DNAH10: variants seen among roughly 807,000 people sequenced by gnomAD.
DNAH10 encodes axonemal beta dynein heavy chain 10.
In DNAH10, 348 loss-of-function variants were observed where a neutral mutation model predicts 506.6. The observed-to-expected ratio is 0.69, with a 90% confidence interval of 0.63 to 0.75. The LOEUF (loss-of-function observed/expected upper bound fraction) is 0.75. Among genes scored for constraint, DNAH10 ranks in the 30% least tolerant of loss-of-function variants. The pLI is 0.00. For missense variants in DNAH10, 5,179 were observed against 5,787.1 expected, an observed-to-expected ratio of 0.89 and a Z score of 3.41; for synonymous variants, 2,059 against 2,198.6, an observed-to-expected ratio of 0.94 and a Z score of 1.78.
chr12:123,844,875 G>T (rs1368388794), intron 30 of DNAH10, among the ~76,000 whole-genome samples: 1 of 152,144 alleles, frequency 6.6e-6, no homozygotes, highest in Non-Finnish European at 1.5e-5. Context: ...CTGAGCTCAA[G>T]CAATCTGCCC....
Position 123,926,317 on chromosome 12 carries a change from G to A in DNAH10, c.11922-320G>A, listed in dbSNP as rs530863011. On this transcript the variant is annotated intron_variant, in intron 68 of 78. Transcript: ENST00000673944. The surrounding 1 kb of genome is among the most constrained non-coding windows in gnomAD (Gnocchi z 4.1). The stretch of plus-strand genomic sequence containing the variant: ...AAAACTCAAGATGTGGACCATTCAG[G>A]ACACGCCTGTGGAACCTCAGGGTTT... 3.0e-6 allele frequency: 1 copy of A among 338,860 alleles called. No individual in the cohort carries two copies. Among genetic ancestry groups the A allele is most frequent in the Non-Finnish European group, 5.2e-6 (1 of 190,666 alleles). 21.0% of individuals were successfully genotyped at this position (338,860 alleles called of 1,614,324 possible).
At position 123,784,164 on chromosome 12, in the gene DNAH10, A is replaced by C; in HGVS notation, c.1217A>C (p.Glu406Ala). The C allele has an allele frequency of 6.2e-7, 1 of 1,614,152 alleles. No homozygotes were observed. The highest frequency in any genetic ancestry group is 8.5e-7 in the Non-Finnish European group (1 of 1,180,004). ...SDNVRFLSTVERYFKNITHGS... is the reference protein window; with the variant it reads ...SDNVRFLSTVARYFKNITHGS... Reference sequence around the variant, plus strand: ...AATGTGCGCTTTCTCTCCACCGTGGAGCGTTATTTCAAGGTATGCTGGGTG... The same window carrying C: ...AATGTGCGCTTTCTCTCCACCGTGGCGCGTTATTTCAAGGTATGCTGGGTG... Residue 406 changes from glutamate (E) to alanine (A), a missense_variant, in exon 8 of 79, where the codon GAG (glutamate) becomes GCG (alanine). Physicochemically the swap from Glu to Ala is moderately radical, Grantham distance 107. This residue lies in a region of DNAH10 where 4,844 missense variants were observed against 5,430.5 expected (regional missense o/e 0.89). Coordinates refer to ENST00000673944, the MANE Select transcript of DNAH10 (RefSeq NM_001372106.1).
At chr12:123,882,040 T>C in intron 51 of DNAH10, 1 of 400,110 alleles carries the variant, frequency 2.5e-6, no homozygotes, top group Non-Finnish European at 4.4e-6. Context: ...TGGCTTAGGA[T>C]AGGGTTACAT....
Position 123,935,587 on chromosome 12 carries a change from G to A in DNAH10, c.*106G>A, listed in dbSNP as rs985451459. Reference sequence around the variant, plus strand: ...CCTCTCAAGAGGCAGGAGGGGGACTGACACTGATTTTTCATTTGAAATCAG... The same window carrying A: ...CCTCTCAAGAGGCAGGAGGGGGACTAACACTGATTTTTCATTTGAAATCAG... On this transcript the variant is annotated 3_prime_UTR_variant, in exon 79 of 79. Coordinates refer to ENST00000673944, the MANE Select transcript of DNAH10 (RefSeq NM_001372106.1). 4 of 1,222,028 alleles carry A rather than the reference G, an allele frequency of 3.3e-6. No homozygotes were observed. The highest frequency in any genetic ancestry group is 2.1e-5 in the South Asian group (1 of 47,494). 75.7% of individuals were successfully genotyped at this position (1,222,028 alleles called of 1,614,324 possible). A position where few individuals can be genotyped will look rare whatever the true frequency, so the allele number is the denominator to read the frequency against.
At chr12:123,832,266 A>G (rs1960642969) in intron 26 of DNAH10, among the ~76,000 whole-genome samples, 1 of 152,174 alleles carries the variant, frequency 6.6e-6, no homozygotes, top group Non-Finnish European at 1.5e-5. Flanking sequence ...ATGTACACAT[A>G]ATGTACACTA....
chr12:123,831,775 G>A (rs536210802), intron 26 of DNAH10, among the ~76,000 whole-genome samples: 7 of 150,072 alleles, frequency 4.7e-5, no homozygotes, highest in African/African-American at 7.3e-5. Context: ...GTGTGGTGGC[G>A]GGTGCCTGTA....
chr12:123,765,769 C>T (rs1957016586), intron 1 of DNAH10, among the ~76,000 whole-genome samples: 3 of 152,032 alleles, frequency 2.0e-5, no homozygotes, highest in Non-Finnish European at 4.4e-5. Context: ...ACCTACCTAC[C>T]TATACATCTA....
chr12:123,850,038 G>A lies in DNAH10; in HGVS notation c.6103-850G>A, dbSNP rs184127442. ...CTGCTCTTCCCCCTGGGCCATCTGGGCCATCTGGGCCTCTTGTGGGATACT... is the reference window on the plus strand; with the variant it reads ...CTGCTCTTCCCCCTGGGCCATCTGGACCATCTGGGCCTCTTGTGGGATACT... On this transcript the variant is annotated intron_variant, in intron 34 of 78. Transcript: ENST00000673944. This position sits in a 1 kb window ranked among gnomAD's most constrained non-coding sequence, Gnocchi z 5.5. Among the ~76,000 whole-genome samples, 1 of 152,236 alleles carries A rather than the reference G, an allele frequency of 6.6e-6. No homozygotes were observed. The highest frequency in any genetic ancestry group is 6.5e-5 in the Admixed American group (1 of 15,294).
At chr12:123,864,268 C>T (rs1951718244) in intron 39 of DNAH10, among the ~76,000 whole-genome samples, 1 of 150,996 alleles carries the variant, frequency 6.6e-6, no homozygotes, top group South Asian at 2.1e-4. Context: ...GCCTCAGCCT[C>T]CTGAGTAGCT....
chr12:123,926,445 A>G lies in DNAH10; in HGVS notation c.11922-192A>G, dbSNP rs1954946558. 3 of 594,240 alleles carry G rather than the reference A, an allele frequency of 5.0e-6. No individual in the cohort carries two copies. Among genetic ancestry groups the G allele is most frequent in the Non-Finnish European group, 8.5e-6 (3 of 353,376 alleles). 36.8% of individuals were successfully genotyped at this position (594,240 alleles called of 1,614,324 possible). ...GGGTACAGAGAAGTCCCTGCCACTC[A>G]GGAGTTCCCCATCAGGGTGGGAGAC... On this transcript the variant is annotated intron_variant, in intron 68 of 78. Transcript: ENST00000673944. The surrounding 1 kb of genome is among the most constrained non-coding windows in gnomAD (Gnocchi z 4.1).
At chr12:123,786,389 T>G (rs1467395353) in intron 9 of DNAH10, among the ~76,000 whole-genome samples, 2 of 150,456 alleles carry the variant, frequency 1.3e-5, no homozygotes, top group Admixed American at 6.6e-5. Context: ...GTAACCACTA[T>G]CAATGTTAGA....
chr12:123,869,397 CCTGT>C (rs1951936243), intron 43 of DNAH10, among the ~76,000 whole-genome samples: 4 of 152,206 alleles, frequency 2.6e-5, no homozygotes, highest in African/African-American at 9.6e-5. Context: ...GTCTTCTCTG[CCTGT>C]CTAAGGGCTG....
At chr12:123,857,341 A>G (rs1951435598) in intron 37 of DNAH10, 94 bp downstream of exon 37, 1 of 1,123,602 alleles carries the variant, frequency 8.9e-7, no homozygotes, top group Admixed American at 3.4e-5. Context: ...ACAGTAAAAT[A>G]CGCATAAGTT....
At position 123,893,319 on chromosome 12, in the gene DNAH10, C is replaced by A; in HGVS notation, c.9082C>A (p.Pro3028Thr). 1 of 1,614,032 alleles carries A rather than the reference C, an allele frequency of 6.2e-7. No individual in the cohort carries two copies. The highest frequency in any genetic ancestry group is 8.5e-7 in the Non-Finnish European group (1 of 1,179,904). ...GQEALKQGMG[P>T]AKESVWQYFV... ...GGAAGCTCTGAAGCAAGGCATGGGGCCGGCCAAGGAGTCTGTGTGGCAGTA... is the reference window on the plus strand; with the variant it reads ...GGAAGCTCTGAAGCAAGGCATGGGGACGGCCAAGGAGTCTGTGTGGCAGTA... Residue 3028 changes from proline to threonine, a missense_variant, in exon 53 of 79, where the codon CCG becomes ACG. By Grantham distance (38) the Pro-to-Thr change is conservative. This residue lies in a region of DNAH10 where 4,844 missense variants were observed against 5,430.5 expected (regional missense o/e 0.89). Transcript: ENST00000673944.
chr12:123,767,131 C>T lies in DNAH10; in HGVS notation c.215-475C>T, dbSNP rs187677027. On this transcript the variant is annotated intron_variant, in intron 1 of 78. Coordinates refer to ENST00000673944, the MANE Select transcript of DNAH10 (RefSeq NM_001372106.1). ...CCATGTTGACCAGGCTGGTCTCGAG[C>T]TCCCGATCTCAAGTGATCCACCCAC... Among the ~76,000 whole-genome samples, 18 of 152,224 alleles carry T rather than the reference C, an allele frequency of 1.2e-4. No homozygotes were observed. The East Asian group carries it at 3.5e-3, about 29-fold the overall frequency.
Position 123,931,480 on chromosome 12 carries a change from C to T in DNAH10, c.12916+8C>T. On this transcript the variant is annotated splice_region_variant and intron_variant, in intron 74 of 78. Transcript: ENST00000673944. ...AGCTGCAGCCTCAGACAGGTAAACT[C>T]TACTCAGGAGGACTTCATTAGTTTG... is the stretch of plus-strand genomic sequence containing the variant. 1 of 1,613,146 alleles carries T rather than the reference C, an allele frequency of 6.2e-7. No homozygotes were observed. Among genetic ancestry groups the T allele is most frequent in the South Asian group, 1.1e-5 (1 of 90,966 alleles).
Position 123,931,401 on chromosome 12 carries a change from C to G in DNAH10, c.12845C>G (p.Ala4282Gly), listed in dbSNP as rs776599313. The change falls in exon 74 of 79, where the codon GCT (alanine) becomes GGT (glycine). Residue 4282 changes from alanine (A) to glycine (G), a missense_variant. Physicochemically the swap from Ala to Gly is moderately conservative, Grantham distance 60. Coordinates refer to ENST00000673944, the MANE Select transcript of DNAH10 (RefSeq NM_001372106.1). ...GAAGTGTTTGGTCTCCACCCCAACG[C>G]TGAGATTGGCTATTACACGCAGGCG... Reference protein sequence around the residue: ...TPEVFGLHPNAEIGYYTQAAR... With the variant: ...TPEVFGLHPNGEIGYYTQAAR... 8.1e-6 allele frequency: 13 copies of G among 1,613,884 alleles called. No individual in the cohort carries two copies. The South Asian group carries it at 1.4e-4, about 18-fold the overall frequency.
chr12:123,802,279 C>T (rs1223544444), intron 16 of DNAH10, among the ~76,000 whole-genome samples: 4 of 152,190 alleles, frequency 2.6e-5, no homozygotes, highest in Middle Eastern at 3.4e-3. Flanking sequence ...CTGAGTTGCA[C>T]GGTAGTTGCA....
intron 39 of DNAH10, among the ~76,000 whole-genome samples, chr12:123,861,434 G>T (rs984716384): frequency 1.3e-5 from 2 of 152,250 alleles, no homozygotes; most frequent in African/African-American, 4.8e-5. Flanking sequence ...CCTAGAAAAG[G>T]TCAGAAATGT....
Sources: allele counts gnomAD v4.1 joint callset (sites outside exome capture counted in the v4.1 genomes callset), GRCh38; gene constraint gnomAD v4.1.1; regional missense constraint gnomAD v4.1.1; non-coding constraint Gnocchi (gnomAD v3.1); transcripts MANE v1.5; gene names NCBI Gene and HGNC (gene_info 2026-07-23, HGNC 2026-07-21).